TNPO3: variants seen among roughly 807,000 people sequenced by gnomAD.
TNPO3 encodes transportin 3.
A neutral mutation model predicts 122.8 loss-of-function variants in TNPO3; 65 were observed. The observed-to-expected ratio is 0.53, with a 90% CI of 0.43 to 0.65. The LOEUF (loss-of-function observed/expected upper bound fraction) is 0.65. Ranked by LOEUF, TNPO3 falls within the 30% of genes least tolerant of loss-of-function variation. TNPO3 has a pLI of 0.00. For missense variants in TNPO3, 850 were observed against 1,136.7 expected, an observed-to-expected ratio of 0.75 and a Z score of 3.63; for synonymous variants, 372 against 411.2, an observed-to-expected ratio of 0.90 and a Z score of 1.15.
chr7:129,040,152 G>C (rs1318008051), intron 1 of TNPO3, among the ~76,000 whole-genome samples: 2 of 152,078 alleles, frequency 1.3e-5, no homozygotes, highest in South Asian at 2.1e-4. Flanking sequence ...CTACTCAGGA[G>C]GCTGAGGCAG....
chr7:128,964,627 G>A (rs540690692), intron 21 of TNPO3, among the ~76,000 whole-genome samples: 15 of 152,142 alleles, frequency 9.9e-5, no homozygotes, highest in South Asian at 2.1e-4. Context: ...GAGCCACCGC[G>A]CCTGGCCACC....
chr7:128,967,232 T>G (rs1358520212), intron 21 of TNPO3, 48 bp downstream of exon 21: 3 of 1,175,282 alleles, frequency 2.6e-6, no homozygotes, highest in Admixed American at 1.7e-5. Flanking sequence ...TAAAGATATG[T>G]TTCTTCCCAC....
intron 1 of TNPO3, among the ~76,000 whole-genome samples, chr7:129,027,580 A>AAAAAAAAAAAAAAAAAAAAAAAAAAAT (rs1805371821): frequency 7.2e-6 from 1 of 138,204 alleles, no homozygotes; most frequent in East Asian, 2.0e-4. Context: ...AAAAAAAAAA[A>AAAAAAAAAAAAAAAAAAAAAAAAAAAT]AAAAAAAAAA....
At chr7:128,981,706 A>G (rs957372149) in intron 14 of TNPO3, among the ~76,000 whole-genome samples, 1 of 152,012 alleles carries the variant, frequency 6.6e-6, no homozygotes, top group African/African-American at 2.4e-5. Context: ...ACTGGAGACC[A>G]AAAGAATTCC....
chr7:129,042,373 A>G (rs1807485595), intron 1 of TNPO3, among the ~76,000 whole-genome samples: 1 of 152,232 alleles, frequency 6.6e-6, no homozygotes, highest in Admixed American at 6.5e-5. Context: ...CAGAGTAAAA[A>G]GAACTCTTAA....
chr7:129,024,981 CAG>C (rs1804940168), intron 1 of TNPO3, among the ~76,000 whole-genome samples: 1 of 151,882 alleles, frequency 6.6e-6, no homozygotes, highest in African/African-American at 2.4e-5. Context: ...GCCTGGGCTA[CAG>C]AGTGAGACAG....
chr7:129,025,682 G>C (rs538095339), intron 1 of TNPO3, among the ~76,000 whole-genome samples: 117 of 116,700 alleles, frequency 1.0e-3, no homozygotes, highest in Non-Finnish European at 4.7e-4. Context: ...CAAAGTGCCA[G>C]GATTACAGGT....
At position 128,992,078 on chromosome 7, in the gene TNPO3, G is replaced by C; in HGVS notation, c.1279C>G (p.Leu427Val). 1 of 1,598,596 alleles carries C rather than the reference G, an allele frequency of 6.3e-7. No homozygotes were observed. The highest frequency in any genetic ancestry group is 8.5e-7 in the Non-Finnish European group (1 of 1,170,164). ...MECFAQLYST[L>V]KEGNPPWEVT... Reference sequence around the variant, plus strand: ...TCCCAGGGTGGGTTGCCTTCTTTCAGAGTAGAATATAACTAGAGAAGAAGA... The same window carrying C: ...TCCCAGGGTGGGTTGCCTTCTTTCACAGTAGAATATAACTAGAGAAGAAGA... The change falls in exon 10 of 23, where the codon CTG becomes GTG. Residue 427 changes from leucine to valine, a missense_variant. Leu to Val is a conservative substitution (Grantham distance 32). Transcript: ENST00000265388.
intron 3 of TNPO3, 59 bp from the exon 4 acceptor site, chr7:129,015,194 A>C (rs1803696695): frequency 1.9e-6 from 3 of 1,561,408 alleles, no homozygotes; most frequent in South Asian, 1.2e-5. Context: ...CAATCACATA[A>C]GATAACAGCC....
At position 128,984,015 on chromosome 7, in the gene TNPO3, G is replaced by A. The variant is rs376235345; in HGVS notation, c.1782+153C>T. Among the ~76,000 whole-genome samples the A allele has an allele frequency of 2.4e-4, 36 of 152,268 alleles. No individual in the cohort carries two copies. The East Asian group carries it at 2.5e-3, about 11-fold the overall frequency. ...AATTCTGAAATATTTATTGTATGCAGCTACTTTGATTACATTAATTTTAAT... is the reference window on the plus strand; with the variant it reads ...AATTCTGAAATATTTATTGTATGCAACTACTTTGATTACATTAATTTTAAT... On this transcript the variant is annotated intron_variant, in intron 13 of 22. Transcript: ENST00000265388.
intron 20 of TNPO3, among the ~76,000 whole-genome samples, chr7:128,968,372 A>C (rs1798130712): frequency 6.6e-6 from 1 of 152,170 alleles, no homozygotes; most frequent in Non-Finnish European, 1.5e-5. Context: ...ATGCACAAAA[A>C]TTGTCTACTC....
chr7:129,012,847 CAA>C (rs765770162), intron 4 of TNPO3, among the ~76,000 whole-genome samples: 139 of 152,066 alleles, frequency 9.1e-4, no homozygotes, highest in Admixed American at 1.7e-3. Flanking sequence ...TGATGTAGAC[CAA>C]AATAATGGAC....
At chr7:128,977,138 G>C (rs1329885436) in intron 16 of TNPO3, among the ~76,000 whole-genome samples, 1 of 151,700 alleles carries the variant, frequency 6.6e-6, no homozygotes, top group Non-Finnish European at 1.5e-5. Context: ...CTGAGTTAAG[G>C]GATTTTTTAA....
At chr7:129,048,199 C>T (rs182136155) in intron 1 of TNPO3, among the ~76,000 whole-genome samples, 38 of 152,240 alleles carry the variant, frequency 2.5e-4, no homozygotes, top group Admixed American at 3.9e-4. Flanking sequence ...CTGCGCTCCA[C>T]AGCCTGGGTA....
At chr7:128,964,437 G>A (rs1410378919) in intron 21 of TNPO3, among the ~76,000 whole-genome samples, 1 of 146,602 alleles carries the variant, frequency 6.8e-6, no homozygotes, top group Non-Finnish European at 1.5e-5. Context: ...CCGGGTTCAC[G>A]CCATTCTCCT....
chr7:129,028,104 A>G (rs1273076866), intron 1 of TNPO3, among the ~76,000 whole-genome samples: 1 of 152,220 alleles, frequency 6.6e-6, no homozygotes, highest in Non-Finnish European at 1.5e-5. Context: ...AGGAAGGGAA[A>G]TCAGAAAACA....
intron 4 of TNPO3, among the ~76,000 whole-genome samples, chr7:129,009,668 T>G (rs1384563262): frequency 1.3e-5 from 2 of 152,186 alleles, no homozygotes; most frequent in African/African-American, 4.8e-5. Flanking sequence ...TACATGTGGA[T>G]GGGATTATTT....
At chr7:129,055,778 A>G (rs1584602041), upstream of TNPO3, 1 of 401,010 alleles carries the variant, frequency 2.5e-6, no homozygotes, top group Non-Finnish European at 4.5e-6. Flanking sequence ...TTCACAAAAG[A>G]AAACAGAAAT....
At chr7:129,003,298 T>G (rs1179410627) in intron 5 of TNPO3, among the ~76,000 whole-genome samples, 2 of 66,170 alleles carry the variant, frequency 3.0e-5, no homozygotes, top group South Asian at 4.6e-4. Context: ...ATTTTTAGGG[T>G]TTTTTTTTTT....
Sources: gnomAD v4.1 joint callset for allele counts (sites outside exome capture counted in the v4.1 genomes callset) on GRCh38, gnomAD v4.1.1 for gene constraint, MANE v1.5 for transcripts, NCBI Gene and HGNC (gene_info 2026-07-23, HGNC 2026-07-21) for gene names.